Variants in ANKIB1 observed in about 807,000 individuals in gnomAD.
ANKIB1 encodes ankyrin repeat and IBR domain-containing protein 1.
ANKIB1 carries 43 observed loss-of-function variants against 122.1 expected under a neutral mutation model. The observed-to-expected ratio is 0.35, with a 90% confidence interval of 0.28 to 0.45. The LOEUF is 0.45. Ranked by LOEUF, ANKIB1 falls within the 20% of genes least tolerant of loss-of-function variation. The probability of loss-of-function intolerance (pLI) is 1.00; values close to 1 mark genes in which losing one functional copy is unlikely to be tolerated. For missense variants in ANKIB1, 992 were observed against 1,329.5 expected (o/e 0.75, Z 3.95); for synonymous variants, 390 against 442.0 (o/e 0.88, Z 1.48).
intron 2 of ANKIB1, among the ~76,000 whole-genome samples, chr7:92,300,166 G>T (rs1299895584): frequency 6.6e-6 from 1 of 152,088 alleles, no homozygotes; most frequent in Non-Finnish European, 1.5e-5. Context: ...AAGAACTGCT[G>T]ATCTGGTTCC....
At chr7:92,374,870 A>G (rs890655196) in intron 11 of ANKIB1, among the ~76,000 whole-genome samples, 15 of 150,360 alleles carry the variant, frequency 1.0e-4, no homozygotes, top group African/African-American at 3.2e-4. Context: ...CTAAGCTAAC[A>G]TAATCAAGAA....
At chr7:92,313,814 TCTC>T (rs1229206124) in intron 3 of ANKIB1, among the ~76,000 whole-genome samples, 1 of 152,090 alleles carries the variant, frequency 6.6e-6, no homozygotes, top group East Asian at 1.9e-4. Flanking sequence ...TTTAGCAAGT[TCTC>T]CTGGTGATTA....
chr7:92,390,040 T>G lies in ANKIB1; in HGVS notation c.1976T>G (p.Ile659Ser). 1 of 1,607,412 alleles carries G rather than the reference T, an allele frequency of 6.2e-7. No homozygotes were observed. Residue 659 changes from isoleucine to serine, a missense_variant, in exon 15 of 20, where the codon ATT becomes AGT. Coordinates refer to ENST00000265742, the MANE Select transcript of ANKIB1 (RefSeq NM_019004.2). The part of the protein sequence containing the change: ...AVHVLLKTRR[I>S]LKCSYPYGFF... ...CATGTGCTCTTAAAAACTCGGCGCA[T>G]TCTCAAGTGTTCTTATCCATATGGA...
At chr7:92,252,917 TG>T (rs1270913566) in intron 1 of ANKIB1, among the ~76,000 whole-genome samples, 4 of 151,968 alleles carry the variant, frequency 2.6e-5, no homozygotes, top group East Asian at 3.9e-4. Flanking sequence ...TTTTGTGGGT[TG>T]TTTTTTTTTG....
At chr7:92,375,680 C>T (rs1305507869) in intron 11 of ANKIB1, among the ~76,000 whole-genome samples, 1 of 152,142 alleles carries the variant, frequency 6.6e-6, no homozygotes, top group Non-Finnish European at 1.5e-5. Context: ...CAACTTTTTC[C>T]AAACTCCTGT....
At chr7:92,293,243 C>A (rs1407640033) in intron 1 of ANKIB1, among the ~76,000 whole-genome samples, 1 of 152,154 alleles carries the variant, frequency 6.6e-6, no homozygotes, top group Admixed American at 6.5e-5. Context: ...GTAGTTTGGT[C>A]AGTAGAACTC....
rs117547960 is a variant in ANKIB1 at position 92,287,080 on chromosome 7, C to T, written c.-90-7809C>T. On this transcript the variant is annotated intron_variant, in intron 1 of 19. Coordinates refer to ENST00000265742, the MANE Select transcript of ANKIB1 (RefSeq NM_019004.2). ...CTTTTTATTTTTAAGTAATTTTAGA[C>T]TTATGGAAAGGTTGCAAAAATAGTA... Among the ~76,000 whole-genome samples, 808 of 152,272 alleles carry T rather than the reference C, an allele frequency of 5.3e-3. 4 individuals are homozygous for T. Among genetic ancestry groups the T allele is most frequent in the Middle Eastern group, 0.01 (3 of 294 alleles).
intron 11 of ANKIB1, among the ~76,000 whole-genome samples, chr7:92,380,121 C>T (rs1484693739): frequency 2.0e-5 from 3 of 152,228 alleles, no homozygotes; most frequent in Admixed American, 2.0e-4. Flanking sequence ...GCAGGTCCCA[C>T]ACCCACAGAG....
intron 1 of ANKIB1, among the ~76,000 whole-genome samples, chr7:92,261,918 T>C (rs1005907257): frequency 1.3e-5 from 2 of 152,248 alleles, no homozygotes; most frequent in African/African-American, 4.8e-5. Flanking sequence ...ACGTTGATCC[T>C]GCTGCCATTT....
At chr7:92,284,782 G>T in intron 1 of ANKIB1, among the ~76,000 whole-genome samples, 1 of 152,094 alleles carries the variant, frequency 6.6e-6, no homozygotes, top group Admixed American at 6.5e-5. Flanking sequence ...ATTTGTACGT[G>T]ATTGCGTAGA....
chr7:92,350,857 TA>T (rs970640682), intron 7 of ANKIB1, 92 bp from the exon 8 acceptor site: 21,364 of 992,958 alleles, frequency 0.022, no homozygotes, highest in South Asian at 0.031. Flanking sequence ...ACCCTGTCTC[TA>T]AAAAAAAAAG....
chr7:92,377,353 T>C (rs1433962898), intron 11 of ANKIB1, among the ~76,000 whole-genome samples: 2 of 152,180 alleles, frequency 1.3e-5, no homozygotes, highest in Admixed American at 1.3e-4. Context: ...TGCCATCTTA[T>C]ATGGGCATGG....
At chr7:92,342,270 G>A (rs951290736) in intron 5 of ANKIB1, among the ~76,000 whole-genome samples, 3 of 152,032 alleles carry the variant, frequency 2.0e-5, no homozygotes, top group African/African-American at 4.8e-5. Context: ...TGATTTCTTC[G>A]CCTAAATAAT....
At chr7:92,299,016 C>G (rs1489191072) in intron 2 of ANKIB1, among the ~76,000 whole-genome samples, 1 of 152,188 alleles carries the variant, frequency 6.6e-6, no homozygotes, top group Non-Finnish European at 1.5e-5. Context: ...CATTTTACAA[C>G]TAGCAATAAC....
intron 9 of ANKIB1, among the ~76,000 whole-genome samples, chr7:92,354,624 T>C (rs191436721): frequency 0.011 from 1,703 of 152,326 alleles, 24 homozygotes; most frequent in South Asian, 0.035. Flanking sequence ...TATTAAGTTA[T>C]AGGATGGATT....
At chr7:92,286,147 T>A (rs1802117993) in intron 1 of ANKIB1, among the ~76,000 whole-genome samples, 1 of 152,226 alleles carries the variant, frequency 6.6e-6, no homozygotes, top group Non-Finnish European at 1.5e-5. Flanking sequence ...CCAAATGAGA[T>A]ATTTTAATGT....
chr7:92,341,199 A>G (rs1311063219), intron 5 of ANKIB1, among the ~76,000 whole-genome samples: 4 of 151,652 alleles, frequency 2.6e-5, no homozygotes, highest in Admixed American at 6.6e-5. Flanking sequence ...AGTCCCAGCT[A>G]TTTGGGAGGC....
At chr7:92,337,262 A>C (rs1803309485) in intron 5 of ANKIB1, among the ~76,000 whole-genome samples, 1 of 152,256 alleles carries the variant, frequency 6.6e-6, no homozygotes, top group African/African-American at 2.4e-5. Context: ...GCAATGCATC[A>C]GTGAATAGAT....
At chr7:92,362,135 G>A in intron 9 of ANKIB1, 50 bp from the exon 10 acceptor site, 2 of 1,517,938 alleles carry the variant, frequency 1.3e-6, no homozygotes, top group African/African-American at 1.4e-5. Flanking sequence ...TTACCTTGAT[G>A]TTGATGAAGA....
Sources: gnomAD v4.1 joint callset for allele counts (sites outside exome capture counted in the v4.1 genomes callset) on GRCh38, gnomAD v4.1.1 for gene constraint, MANE v1.5 for transcripts, NCBI Gene and HGNC (gene_info 2026-07-23, HGNC 2026-07-21) for gene names.